The following DNAJA1 variants were observed in gnomAD, a reference collection of about 807,000 sequenced individuals.
DNAJA1 encodes the protein DnaJ heat shock protein family (Hsp40) member A1.
DNAJA1 carries 26 observed loss-of-function variants against 47.6 expected under a neutral mutation model. That is an observed-to-expected ratio of 0.55 (90% CI 0.40 to 0.76). The LOEUF (loss-of-function observed/expected upper bound fraction) is 0.76. Among genes scored for constraint, DNAJA1 ranks in the 30% least tolerant of loss-of-function variants. The pLI is 0.00. For synonymous variants in DNAJA1, 165 were observed against 158.4 expected (o/e 1.04, Z -0.31); for missense variants, 315 against 485.0 (o/e 0.65, Z 3.29).
At chr9:33,037,317 C>CA (rs869097293) in intron 8 of DNAJA1, 5,959 of 159,696 alleles carry the variant, frequency 0.037, 3 homozygotes, top group East Asian at 0.083. Flanking sequence ...TTTAAAAAAA[C>CA]AAAAAAAAAA....
chr9:33,031,620 A>C (rs1838963077), intron 5 of DNAJA1, among the ~76,000 whole-genome samples: 1 of 151,944 alleles, frequency 6.6e-6, no homozygotes, highest in Non-Finnish European at 1.5e-5. Flanking sequence ...TTTTTAGTAG[A>C]GATGGGGTTT....
chr9:33,031,015 T>A (rs545108356), intron 5 of DNAJA1, among the ~76,000 whole-genome samples: 173 of 152,364 alleles, frequency 1.1e-3, no homozygotes, highest in African/African-American at 4.0e-3. Context: ...ACATTCTTAA[T>A]TAGGAGTTAC....
chr9:33,035,037 CTTTT>C (rs11371852), intron 6 of DNAJA1, among the ~76,000 whole-genome samples: 2 of 113,868 alleles, frequency 1.8e-5, no homozygotes, highest in Non-Finnish European at 3.6e-5. Context: ...AAGAACCCAC[CTTTT>C]TTTTTTTTTT....
At chr9:33,038,408 TA>T (rs35255953) in intron 8 of DNAJA1, among the ~76,000 whole-genome samples, 1 of 152,216 alleles carries the variant, frequency 6.6e-6, no homozygotes, top group Non-Finnish European at 1.5e-5. Context: ...GTTTTGGTAT[TA>T]AAAAGTCAGT....
chr9:33,028,072 A>G, intron 3 of DNAJA1, among the ~76,000 whole-genome samples: 1 of 150,802 alleles, frequency 6.6e-6, no homozygotes, highest in African/African-American at 2.4e-5. Context: ...TAGCAATATA[A>G]TTTTCCAAGC....
In DNAJA1 at chr9:33,039,448, A is replaced by G. The variant is rs1475364194; in HGVS notation, c.*545A>G. The G allele has an allele frequency of 2.0e-5, 3 of 151,560 alleles. No individual in the cohort carries two copies. In the East Asian group the frequency reaches 5.8e-4, roughly 29 times the overall value. 9.4% of individuals were successfully genotyped at this position (151,560 alleles called of 1,614,324 possible). A position where few individuals can be genotyped will look rare whatever the true frequency, so the allele number is the denominator to read the frequency against. ...TCCTGTGGTATCAGTGATAAAAATG[A>G]TACCTTTCTGTAGGAGGGGTTTATC... On this transcript the variant is annotated 3_prime_UTR_variant, in exon 9 of 9. Coordinates refer to ENST00000330899, the MANE Select transcript of DNAJA1 (RefSeq NM_001539.4).
At position 33,034,271 on chromosome 9, in the gene DNAJA1, A is replaced by C; in HGVS notation, c.699A>C (p.Gly233=). 6.2e-7 allele frequency: 1 copy of C among 1,609,958 alleles called. No homozygotes were observed. The highest frequency in any genetic ancestry group is 1.1e-5 in the South Asian group (1 of 89,804). The change falls in exon 6 of 9, where the codon GGA becomes GGC. Residue 233 remains glycine, a synonymous_variant. Transcript: ENST00000330899. ...ATGGTGAAGGAGACCAAGAACCAGG[A>C]CTGGAGCCAGGCGATATTATCATTG... ...TFHGEGDQEP[G]LEPGDIIIVL...
intron 8 of DNAJA1, among the ~76,000 whole-genome samples, chr9:33,037,669 G>A (rs1839057288): frequency 1.3e-5 from 2 of 152,190 alleles, no homozygotes; most frequent in African/African-American, 4.8e-5. Flanking sequence ...GTGACAGAAT[G>A]AGACCCTGTC....
At chr9:33,027,147 G>T (rs972247303) in intron 3 of DNAJA1, among the ~76,000 whole-genome samples, 157 bp downstream of exon 3, 1 of 141,160 alleles carries the variant, frequency 7.1e-6, no homozygotes, top group African/African-American at 2.7e-5. Context: ...GTGTTTTTTT[G>T]TTGTGGTTTT....
Position 33,025,396 on chromosome 9 carries a change from C to T in DNAJA1, c.-11+13C>T, listed in dbSNP as rs1222395010. 1 of 152,458 alleles carries T rather than the reference C, an allele frequency of 6.6e-6. No individual in the cohort carries two copies. Among genetic ancestry groups the T allele is most frequent in the Non-Finnish European group, 1.5e-5 (1 of 68,204 alleles). 9.4% of individuals were successfully genotyped at this position (152,458 alleles called of 1,614,324 possible). ...TCAGCCCGCACCGGTGAGTTTGAGCCCTCGCGCTGCCCCTAGTCCCCTGGC... is the reference window on the plus strand; with the variant it reads ...TCAGCCCGCACCGGTGAGTTTGAGCTCTCGCGCTGCCCCTAGTCCCCTGGC... On this transcript the variant is annotated intron_variant, in intron 1 of 8. Transcript: ENST00000330899.
chr9:33,036,878 G>A (rs1000922734), intron 7 of DNAJA1, 137 bp from the exon 8 acceptor site: 2 of 857,396 alleles, frequency 2.3e-6, no homozygotes, highest in African/African-American at 3.4e-5. Context: ...AAACCCATAA[G>A]TGAAAGGTAA....
chr9:33,038,712 T>C lies in DNAJA1; in HGVS notation c.1003T>C (p.Ser335Pro), dbSNP rs749336661. 3.8e-5 allele frequency: 62 copies of C among 1,613,980 alleles called. No individual in the cohort carries two copies. Among genetic ancestry groups the C allele is most frequent in the Non-Finnish European group, 5.2e-5 (61 of 1,180,020 alleles). The change falls in exon 9 of 9, where the codon TCT becomes CCT. Residue 335 changes from serine (S) to proline (P), a missense_variant. By Grantham distance (74) the Ser-to-Pro change is moderately conservative (BLOSUM62 -1). Transcript: ENST00000330899. ...KVNFPENGFLSPDKLSLLEKL... is the reference protein window; with the variant it reads ...KVNFPENGFLPPDKLSLLEKL... ...AAACTTTCCTGAGAATGGCTTTCTC[T>C]CTCCTGATAAACTGTCTTTGCTGGA...
At chr9:33,030,857 T>C (rs1031748597) in intron 5 of DNAJA1, among the ~76,000 whole-genome samples, 190 bp downstream of exon 5, 5 of 152,242 alleles carry the variant, frequency 3.3e-5, no homozygotes, top group African/African-American at 1.2e-4. Context: ...ATATTACTAA[T>C]ACAGAATATA....
At chr9:33,035,626 C>A (rs1329461056) in intron 6 of DNAJA1, among the ~76,000 whole-genome samples, 1 of 151,450 alleles carries the variant, frequency 6.6e-6, no homozygotes, top group Non-Finnish European at 1.5e-5. Flanking sequence ...CCCACCACCA[C>A]GCCCAGCTGA....
chr9:33,027,131 G>T, intron 3 of DNAJA1, 141 bp downstream of exon 3: 1 of 1,012,942 alleles, frequency 9.9e-7, no homozygotes, highest in South Asian at 1.6e-5. Flanking sequence ...TCTGATTTAT[G>T]GTGTCGTGTT....
chr9:33,027,018 TA>T, intron 3 of DNAJA1, 28 bp downstream of exon 3: 1 of 1,613,142 alleles, frequency 6.2e-7, no homozygotes, highest in Non-Finnish European at 8.5e-7. Flanking sequence ...TTTGTGCAGC[TA>T]ACTAAAGTTA....
At chr9:33,038,293 G>A (rs999951637) in intron 8 of DNAJA1, among the ~76,000 whole-genome samples, 3 of 152,144 alleles carry the variant, frequency 2.0e-5, no homozygotes, top group Non-Finnish European at 2.9e-5. Context: ...ATGAGCCACC[G>A]CGCCTGGCCT....
chr9:33,034,089 A>T, intron 5 of DNAJA1, 127 bp from the exon 6 acceptor site: 1 of 616,152 alleles, frequency 1.6e-6, no homozygotes, highest in Non-Finnish European at 2.7e-6. Flanking sequence ...GGACTGAACT[A>T]CTTAAGTGGG....
chr9:33,039,562 A>T lies in DNAJA1; in HGVS notation c.*659A>T, dbSNP rs1292355535. 5 of 105,254 alleles carry T rather than the reference A, an allele frequency of 4.8e-5. 1 individual carries two copies. Among genetic ancestry groups the T allele is most frequent in the Non-Finnish European group, 8.9e-5 (4 of 45,034 alleles). 6.5% of individuals were successfully genotyped at this position (105,254 alleles called of 1,614,324 possible). On this transcript the variant is annotated 3_prime_UTR_variant, in exon 9 of 9. Transcript: ENST00000330899. The stretch of plus-strand genomic sequence containing the variant: ...ATATATATATACATATATATATATA[A>T]TCTTGACCAGTCCTGGTCATTTGCT...
Sources: gnomAD v4.1 joint callset for allele counts (sites outside exome capture counted in the v4.1 genomes callset) on GRCh38, gnomAD v4.1.1 for gene constraint, MANE v1.5 for transcripts, NCBI Gene and HGNC (gene_info 2026-07-23, HGNC 2026-07-21) for gene names.